The following CHAF1B variants were observed in gnomAD, a reference collection of about 807,000 sequenced individuals.
CHAF1B encodes CAF-1 subunit B.
Under a neutral mutation model 60.7 loss-of-function variants are expected in CHAF1B, and 10 were observed. That is an observed-to-expected ratio of 0.16 (90% CI 0.10 to 0.28). The LOEUF (loss-of-function observed/expected upper bound fraction) is 0.28, where lower values mean the gene tolerates loss of function less well. Ranked by LOEUF, CHAF1B falls within the 10% of genes least tolerant of loss-of-function variation. CHAF1B has a pLI of 1.00. For missense variants in CHAF1B, 558 were observed against 708.4 expected (o/e 0.79, Z 2.41); for synonymous variants, 261 against 266.1 (o/e 0.98, Z 0.19).
chr21:36,414,518 C>T (rs1339108412), intron 12 of CHAF1B, among the ~76,000 whole-genome samples: 1 of 152,142 alleles, frequency 6.6e-6, no homozygotes, highest in African/African-American at 2.4e-5. Flanking sequence ...TTTTTCCCCT[C>T]TTGATTTCTT....
chr21:36,396,200 A>G (rs961903241), intron 5 of CHAF1B, among the ~76,000 whole-genome samples: 9 of 151,282 alleles, frequency 5.9e-5, no homozygotes, highest in Admixed American at 4.0e-4. Flanking sequence ...GGGTTTGCCC[A>G]TGTTGGCCAG....
rs577642104 is a variant in CHAF1B at position 36,392,452 on chromosome 21, C to T, written c.377+784C>T. On this transcript the variant is annotated intron_variant, in intron 4 of 13. Transcript: ENST00000314103. Reference sequence around the variant, plus strand: ...TGAGCTGTTGGGTACACCTCCCAGACGGGGTGGCGGCCGGGTAGAGGGGCT... The same window carrying T: ...TGAGCTGTTGGGTACACCTCCCAGATGGGGTGGCGGCCGGGTAGAGGGGCT... Among the ~76,000 whole-genome samples the T allele has an allele frequency of 5.8e-3, 890 of 152,318 alleles. 8 individuals are homozygous for T. Among genetic ancestry groups the T allele is most frequent in the Middle Eastern group, 0.01 (3 of 294 alleles).
chr21:36,410,991 A>AT (rs1366732266), intron 10 of CHAF1B, among the ~76,000 whole-genome samples: 1 of 148,496 alleles, frequency 6.7e-6, no homozygotes, highest in Non-Finnish European at 1.5e-5. Context: ...GTTGGTTTTG[A>AT]TTTTTTTCTC....
chr21:36,413,417 T>A, intron 12 of CHAF1B, 102 bp downstream of exon 12: 1 of 1,107,300 alleles, frequency 9.0e-7, no homozygotes, highest in Non-Finnish European at 1.3e-6. Flanking sequence ...GGTGAATGCT[T>A]CATGCCAGTA....
intron 6 of CHAF1B, 37 bp downstream of exon 6, chr21:36,397,548 G>A: frequency 8.5e-7 from 1 of 1,172,354 alleles, no homozygotes. Flanking sequence ...GAATTTCTTT[G>A]TATTTACTTG....
chr21:36,392,297 C>T (rs567055933), intron 4 of CHAF1B, among the ~76,000 whole-genome samples: 5 of 152,192 alleles, frequency 3.3e-5, no homozygotes, highest in Non-Finnish European at 7.3e-5. Context: ...TAGTACAGAA[C>T]AAAATGGAGT....
At chr21:36,397,292 CT>C (rs36094135) in intron 5 of CHAF1B, 122 bp from the exon 6 acceptor site, 11,653 of 441,640 alleles carry the variant, frequency 0.026, 218 homozygotes, top group Middle Eastern at 0.049. Flanking sequence ...GAGTCTCTCA[CT>C]TACTGCCTGC....
chr21:36,389,604 C>CAAAA (rs745521824), intron 3 of CHAF1B, among the ~76,000 whole-genome samples: 2 of 73,536 alleles, frequency 2.7e-5, no homozygotes, highest in Admixed American at 1.5e-4. Context: ...GAGTCTGTCT[C>CAAAA]AAAAAAAAAA....
chr21:36,391,458 C>T (rs370898560), intron 3 of CHAF1B, 93 bp from the exon 4 acceptor site: 38 of 714,036 alleles, frequency 5.3e-5, no homozygotes, highest in South Asian at 1.1e-4. Context: ...GGTGAGACTC[C>T]GTCTCAAAAA....
At chr21:36,416,045 C>T (rs115409047) in intron 13 of CHAF1B, among the ~76,000 whole-genome samples, 10 of 152,192 alleles carry the variant, frequency 6.6e-5, no homozygotes, top group South Asian at 4.1e-4. Context: ...TGAGCCACCG[C>T]GCCCAGCTTG....
chr21:36,416,001 G>A (rs148571776), intron 13 of CHAF1B: 87 of 357,094 alleles, frequency 2.4e-4, no homozygotes, highest in African/African-American at 1.5e-3. Flanking sequence ...TGATCCACCC[G>A]CCTCAGCCTC....
chr21:36,388,178 G>C (rs907968813), intron 3 of CHAF1B, among the ~76,000 whole-genome samples: 4 of 152,086 alleles, frequency 2.6e-5, no homozygotes, highest in African/African-American at 7.2e-5. Context: ...CATTTAGGTA[G>C]TTCAGTAAAA....
At position 36,411,614 on chromosome 21, in the gene CHAF1B, T is replaced by G. The variant is rs73385706; in HGVS notation, c.1061+10T>G. On this transcript the variant is annotated intron_variant, in intron 11 of 13. Transcript: ENST00000314103. ...TCAGTGACATTTCATGGTGAGTGGC[T>G]GCTAATGAGGGAGAGTGAGTGAAGG... 6.1e-3 allele frequency: 9,801 copies of G among 1,613,886 alleles called. 474 individuals carry two copies. The African/African-American group carries it at 0.11, about 19-fold the overall frequency.
At position 36,399,552 on chromosome 21, in the gene CHAF1B, C is replaced by T. The variant is rs201339256; in HGVS notation, c.610C>T (p.Arg204Cys). 3 of 1,613,996 alleles carry T rather than the reference C, an allele frequency of 1.9e-6. No individual in the cohort carries two copies. The highest frequency in any genetic ancestry group is 4.5e-5 in the East Asian group (2 of 44,894). Residue 204 changes from arginine to cysteine, a missense_variant, in exon 7 of 14, where the codon CGT becomes TGT. Physicochemically the swap from Arg to Cys is radical, Grantham distance 180. Transcript: ENST00000314103. Reference sequence around the variant, plus strand: ...GCGAGTATACAGTATACAGAAGAAGCGTGTGGCTTTCAATGTTTCGAAGAT... The same window carrying T: ...GCGAGTATACAGTATACAGAAGAAGTGTGTGGCTTTCAATGTTTCGAAGAT... Reference protein sequence around the residue: ...VLRVYSIQKKRVAFNVSKMLS... With the variant: ...VLRVYSIQKKCVAFNVSKMLS...
intron 3 of CHAF1B, 80 bp from the exon 4 acceptor site, chr21:36,391,471 A>G (rs2086086650): frequency 1.0e-6 from 1 of 975,588 alleles, no homozygotes. Context: ...CTCAAAAAAA[A>G]AAAAAAAAAT....
intron 8 of CHAF1B, among the ~76,000 whole-genome samples, chr21:36,405,048 GCCC>G (rs2086226967): frequency 4.0e-5 from 1 of 25,292 alleles, no homozygotes; most frequent in African/African-American, 5.7e-5. Context: ...ACTGCGCCCA[GCCC>G]CAGTAGCAAA....
intron 12 of CHAF1B, among the ~76,000 whole-genome samples, 195 bp from the exon 13 acceptor site, chr21:36,415,100 T>A (rs980556882): frequency 2.0e-5 from 3 of 152,198 alleles, no homozygotes; most frequent in Non-Finnish European, 4.4e-5. Context: ...AATGTGATGG[T>A]TTAACTTAAT....
intron 4 of CHAF1B, among the ~76,000 whole-genome samples, chr21:36,394,296 C>T (rs546141329): frequency 5.3e-5 from 8 of 152,090 alleles, no homozygotes; most frequent in East Asian, 1.9e-4. Context: ...AGGATGGTCT[C>T]GATCTCCCGA....
Position 36,385,462 on chromosome 21 carries a change from C to G in CHAF1B, c.-78+11C>G, listed in dbSNP as rs960050448. 6 of 152,030 alleles carry G rather than the reference C, an allele frequency of 3.9e-5. No individual in the cohort carries two copies. Among genetic ancestry groups the G allele is most frequent in the Non-Finnish European group, 5.9e-5 (4 of 67,944 alleles). 9.4% of individuals were successfully genotyped at this position (152,030 alleles called of 1,614,324 possible). The stretch of plus-strand genomic sequence containing the variant: ...TCCGGGTCCCTCCAGGTACGGCTTC[C>G]CTGGCCCGGGCAGCTCCGCGGCTCT... On this transcript the variant is annotated intron_variant, in intron 1 of 13. Coordinates refer to ENST00000314103, the MANE Select transcript of CHAF1B (RefSeq NM_005441.3).
Sources: allele counts gnomAD v4.1 joint callset (sites outside exome capture counted in the v4.1 genomes callset), GRCh38; gene constraint gnomAD v4.1.1; transcripts MANE v1.5; gene names NCBI Gene and HGNC (gene_info 2026-07-23, HGNC 2026-07-21).